The following PCDHGA1 variants were observed in gnomAD, a reference collection of about 807,000 sequenced individuals.
PCDHGA1 encodes protocadherin gamma subfamily A, 1, also known as protocadherin gamma-A1.
A neutral mutation model predicts 58.0 loss-of-function variants in PCDHGA1; 32 were observed. The observed-to-expected ratio is 0.55, with a 90% CI of 0.42 to 0.74. The LOEUF is 0.74. PCDHGA1 is among the 30% of genes least tolerant of loss of function. PCDHGA1 has a pLI of 0.00. For synonymous variants in PCDHGA1, 498 were observed against 501.1 expected (o/e 0.99, Z 0.08); for missense variants, 1,205 against 1,182.3 (o/e 1.02, Z -0.28).
chr5:141,385,919 T>C (rs912267518), intron 1 of PCDHGA1: 9 of 152,446 alleles, frequency 5.9e-5, no homozygotes, highest in African/African-American at 1.7e-4. Flanking sequence ...CACTAAGATC[T>C]ATATCAAAGA....
At position 141,339,581 on chromosome 5, in the gene PCDHGA1, G is replaced by A. The variant is rs534089903; in HGVS notation, c.2421+6476G>A. The A allele has an allele frequency of 7.4e-6, 12 of 1,614,082 alleles. No individual in the cohort carries two copies. The highest frequency in any genetic ancestry group is 1.0e-5 in the Non-Finnish European group (12 of 1,180,046). On this transcript the variant is annotated intron_variant, in intron 1 of 3. Coordinates refer to ENST00000517417, the MANE Select transcript of PCDHGA1 (RefSeq NM_018912.3). ...GCTGGAGCGCTCTCTGGACCGCGAG[G>A]AAGAGGCTGTTCACCACCTCGTTCT...
intron 2 of PCDHGA1, among the ~76,000 whole-genome samples, chr5:141,503,088 C>T (rs1003234288): frequency 4.0e-5 from 6 of 151,864 alleles, no homozygotes; most frequent in Admixed American, 1.3e-4. Context: ...CTCCTGACCT[C>T]GTGGTCTGCC....
In PCDHGA1 at chr5:141,375,335, T is replaced by A. The variant is rs781205937; in HGVS notation, c.2421+42230T>A. On this transcript the variant is annotated intron_variant, in intron 1 of 3. Transcript: ENST00000517417. ...TCTAGACCGGGAAGAGGTATTCTTG[T>A]ACAACATCACTGTGACAGCCACGGA... is the stretch of plus-strand genomic sequence containing the variant. 1.7e-5 allele frequency: 27 copies of A among 1,613,694 alleles called. No homozygotes were observed. The Admixed American group carries it at 3.8e-4, about 23-fold the overall frequency.
rs1011504923 is a variant in PCDHGA1, at chr5:141,408,109, C to A, written c.2421+75004C>A. ...GGATTGCCAGCTCCGAGACCCGGGA[C>A]TCCTCCTGTCCTGGGCCGAATGCTC... is the stretch of plus-strand genomic sequence containing the variant. On this transcript the variant is annotated intron_variant, in intron 1 of 3. Transcript: ENST00000517417. 6 of 1,445,662 alleles carry A rather than the reference C, an allele frequency of 4.2e-6. No homozygotes were observed. In the African/African-American group the frequency reaches 5.7e-5, roughly 14 times the overall value. 89.6% of individuals were successfully genotyped at this position (1,445,662 alleles called of 1,614,324 possible). A position where few individuals can be genotyped will look rare whatever the true frequency, so the allele number is the denominator to read the frequency against.
chr5:141,427,381 T>G (rs1315804574), intron 1 of PCDHGA1: 1 of 458,822 alleles, frequency 2.2e-6, no homozygotes, highest in Middle Eastern at 3.2e-4. Context: ...GTGATCACTC[T>G]GTTCAAAACA....
intron 1 of PCDHGA1, chr5:141,414,963 G>T (rs2095808106): frequency 1.1e-5 from 17 of 1,614,006 alleles, no homozygotes; most frequent in Non-Finnish European, 1.4e-5. Context: ...CCAAGGTGGT[G>T]GCGGTGGACA....
At chr5:141,362,365 A>G in intron 1 of PCDHGA1, 4 of 1,614,014 alleles carry the variant, frequency 2.5e-6, no homozygotes, top group South Asian at 1.1e-5. Context: ...CCCCAATTAC[A>G]GTGAGGGTAC....
rs2096315825 is a variant in PCDHGA1 at position 141,419,028 on chromosome 5, T to C, written c.2422-75779T>C. On this transcript the variant is annotated intron_variant, in intron 1 of 3. Coordinates refer to ENST00000517417, the MANE Select transcript of PCDHGA1 (RefSeq NM_018912.3). ...GTCAGGTGTAGCTTAAGTAGAGGTG[T>C]TCCATTTAAGATTCATTCTTCTTCT... 5.0e-6 allele frequency: 8 copies of C among 1,613,638 alleles called. No individual in the cohort carries two copies. The South Asian group carries it at 8.8e-5, about 18-fold the overall frequency.
chr5:141,448,795 A>T (rs577803435), intron 1 of PCDHGA1, among the ~76,000 whole-genome samples: 1 of 152,086 alleles, frequency 6.6e-6, no homozygotes, highest in African/African-American at 2.4e-5. Context: ...AAAAAAAAAA[A>T]TTAGCCAGGC....
intron 1 of PCDHGA1, among the ~76,000 whole-genome samples, chr5:141,463,209 A>G (rs1189251811): frequency 6.6e-6 from 1 of 152,140 alleles, no homozygotes; most frequent in African/African-American, 2.4e-5. Flanking sequence ...TTGGGGATCC[A>G]TATTAATATT....
At chr5:141,392,820 G>T in intron 1 of PCDHGA1, 1 of 1,592,868 alleles carries the variant, frequency 6.3e-7, no homozygotes. Flanking sequence ...AACAATGGCC[G>T]CTCCACAGAG....
chr5:141,438,586 A>G (rs949534736), intron 1 of PCDHGA1, among the ~76,000 whole-genome samples: 2 of 56,254 alleles, frequency 3.6e-5, no homozygotes, highest in South Asian at 6.2e-4. Context: ...ATACATACAT[A>G]CATACATATA....
chr5:141,346,429 A>C, intron 1 of PCDHGA1: 1 of 1,614,274 alleles, frequency 6.2e-7, no homozygotes, highest in South Asian at 1.1e-5. Flanking sequence ...GATTTACTTG[A>C]AATGAAAGGA....
At chr5:141,395,067 A>G (rs1200049263) in intron 1 of PCDHGA1, 4 of 1,613,888 alleles carry the variant, frequency 2.5e-6, no homozygotes, top group South Asian at 1.1e-5. Context: ...TTTCCTGCAG[A>G]CCTATTCCCA....
intron 1 of PCDHGA1, chr5:141,410,390 G>A: frequency 6.2e-7 from 1 of 1,614,012 alleles, no homozygotes; most frequent in South Asian, 1.1e-5. Flanking sequence ...CTTCCATCCT[G>A]GTCTCTGTGT....
Position 141,511,315 on chromosome 5 carries a change from G to A in PCDHGA1, c.*142G>A. ...AAGGCCATGCTCCCCTTGGGAAACA[G>A]AAACAAGTGCCCAGTCAGCACCTAC... On this transcript the variant is annotated 3_prime_UTR_variant, in exon 4 of 4. Coordinates refer to ENST00000517417, the MANE Select transcript of PCDHGA1 (RefSeq NM_018912.3). 6.8e-7 allele frequency: 1 copy of A among 1,481,384 alleles called. No individual in the cohort carries two copies. Among genetic ancestry groups the A allele is most frequent in the Non-Finnish European group, 9.0e-7 (1 of 1,110,974 alleles). 91.8% of individuals were successfully genotyped at this position (1,481,384 alleles called of 1,614,324 possible).
intron 1 of PCDHGA1, chr5:141,403,954 C>A: frequency 6.2e-7 from 1 of 1,613,800 alleles, no homozygotes; most frequent in Non-Finnish European, 8.5e-7. Flanking sequence ...CAAAAGTGCT[C>A]ATTTCGGTGG....
chr5:141,495,529 C>T (rs1466269939), intron 2 of PCDHGA1, among the ~76,000 whole-genome samples: 1 of 152,210 alleles, frequency 6.6e-6, no homozygotes, highest in African/African-American at 2.4e-5. Flanking sequence ...ACCTCTCAGT[C>T]CTTCCCTCAG....
At chr5:141,481,860 G>A (rs1379910129) in intron 1 of PCDHGA1, among the ~76,000 whole-genome samples, 1 of 148,492 alleles carries the variant, frequency 6.7e-6, no homozygotes, top group Non-Finnish European at 1.5e-5. Context: ...GTTGCAGTGA[G>A]CCGAGATCGC....
Sources: gnomAD v4.1 joint callset for allele counts (sites outside exome capture counted in the v4.1 genomes callset) on GRCh38, gnomAD v4.1.1 for gene constraint, MANE v1.5 for transcripts, NCBI Gene and HGNC (gene_info 2026-07-23, HGNC 2026-07-21) for gene names.